The following CCDC178 variants were observed in gnomAD, a reference collection of about 807,000 sequenced individuals.
The protein encoded by CCDC178 is coiled-coil domain-containing protein 178.
A neutral mutation model predicts 117.4 loss-of-function variants in CCDC178; 126 were observed. That is an observed-to-expected ratio of 1.07 (90% CI 0.93 to 1.24). CCDC178 has a LOEUF of 1.24. CCDC178 is among the 50% of genes most tolerant of loss of function. The pLI is 0.00. For synonymous variants in CCDC178, 283 were observed against 313.4 expected (o/e 0.90, Z 1.02); for missense variants, 1,030 against 986.9 (o/e 1.04, Z -0.59).
chr18:33,197,367 G>C (rs1360012960), intron 20 of CCDC178, among the ~76,000 whole-genome samples: 5 of 152,094 alleles, frequency 3.3e-5, no homozygotes, highest in Admixed American at 3.3e-4. Context: ...ACAAACGCAA[G>C]GGCATCTGGG....
chr18:33,420,317 AT>A (rs1177686965), intron 2 of CCDC178, among the ~76,000 whole-genome samples: 1 of 152,130 alleles, frequency 6.6e-6, no homozygotes. Flanking sequence ...GGATCAAAAA[AT>A]TATTAGGTTG....
chr18:32,945,235 C>T (rs533979934), intron 22 of CCDC178, among the ~76,000 whole-genome samples: 4 of 152,178 alleles, frequency 2.6e-5, no homozygotes, highest in African/African-American at 9.6e-5. Flanking sequence ...GACTGGGAAA[C>T]GACTTGCATA....
At chr18:33,424,168 C>T (rs953460767) in intron 2 of CCDC178, among the ~76,000 whole-genome samples, 5 of 152,080 alleles carry the variant, frequency 3.3e-5, no homozygotes, top group Admixed American at 3.3e-4. Flanking sequence ...TTTACTTTTA[C>T]TGGTCTTTAT....
intron 7 of CCDC178, 79 bp from the exon 8 acceptor site, chr18:33,349,054 G>T: frequency 2.5e-6 from 2 of 807,322 alleles, no homozygotes; most frequent in South Asian, 3.5e-5. Context: ...CTCTTCTATT[G>T]AATTTTAAAT....
intron 21 of CCDC178, among the ~76,000 whole-genome samples, chr18:32,995,401 A>AT (rs1267999187): frequency 6.6e-6 from 1 of 152,148 alleles, no homozygotes; most frequent in African/African-American, 2.4e-5. Context: ...TCTTTCTAGT[A>AT]TTTTTTGGTA....
At chr18:33,002,913 A>G (rs1205618365) in intron 21 of CCDC178, among the ~76,000 whole-genome samples, 1 of 152,170 alleles carries the variant, frequency 6.6e-6, no homozygotes, top group Admixed American at 6.5e-5. Context: ...ATGCCAATAA[A>G]TTGGAAAGCC....
chr18:32,983,156 T>A, intron 21 of CCDC178: 1 of 524,872 alleles, frequency 1.9e-6, no homozygotes, highest in Non-Finnish European at 3.3e-6. Context: ...AAAAAACCAC[T>A]TCTCAGTACA....
At chr18:33,408,191 T>C (rs2063806535) in intron 3 of CCDC178, among the ~76,000 whole-genome samples, 1 of 151,892 alleles carries the variant, frequency 6.6e-6, no homozygotes, top group African/African-American at 2.4e-5. Flanking sequence ...ATTAATAAAA[T>C]TCACAACAGG....
At chr18:33,105,971 T>C (rs2057699263) in intron 20 of CCDC178, among the ~76,000 whole-genome samples, 1 of 151,722 alleles carries the variant, frequency 6.6e-6, no homozygotes, top group Non-Finnish European at 1.5e-5. Flanking sequence ...ATGAATACTT[T>C]AAGAAAAGTG....
intron 12 of CCDC178, among the ~76,000 whole-genome samples, chr18:33,273,968 G>A (rs1264299508): frequency 6.6e-6 from 1 of 151,722 alleles, no homozygotes; most frequent in Non-Finnish European, 1.5e-5. Flanking sequence ...CATGGAGTGG[G>A]AGAAAATATT....
intron 20 of CCDC178, among the ~76,000 whole-genome samples, chr18:33,191,850 G>C (rs1350663690): frequency 1.3e-5 from 2 of 152,022 alleles, no homozygotes; most frequent in East Asian, 3.9e-4. Context: ...CTATATTTAA[G>C]TAAAAATTAT....
chr18:33,279,703 T>C (rs1407353537), intron 12 of CCDC178, among the ~76,000 whole-genome samples: 2 of 152,130 alleles, frequency 1.3e-5, no homozygotes, highest in African/African-American at 2.4e-5. Context: ...CTTCAAACTA[T>C]ACTACAAGCT....
intron 20 of CCDC178, among the ~76,000 whole-genome samples, chr18:33,167,672 T>C (rs1235336206): frequency 6.6e-6 from 1 of 151,908 alleles, no homozygotes. Context: ...AAAACCAGCC[T>C]GGCCAACATG....
intron 20 of CCDC178, among the ~76,000 whole-genome samples, chr18:33,179,131 C>CTATATATATAAACTA (rs2058703865): frequency 7.3e-5 from 4 of 54,690 alleles, no homozygotes; most frequent in Admixed American, 2.5e-4. Flanking sequence ...TATATATAAA[C>CTATATATATAAACTA]TATATATATA....
At chr18:33,383,992 G>C (rs117597759) in intron 5 of CCDC178, among the ~76,000 whole-genome samples, 4,173 of 152,084 alleles carry the variant, frequency 0.027, 89 homozygotes, top group Non-Finnish European at 0.043. Flanking sequence ...CTGTTAACTC[G>C]AATAACCAGT....
chr18:33,104,226 T>TA lies in CCDC178; in HGVS notation c.2239-11317dup, dbSNP rs201732328. Reference sequence around the variant, plus strand: ...TTCCAGGGGCTTAATAGAAAACCTCTAAAGAAGGTAAACCAAATATCAAAC... The same window carrying TA: ...TTCCAGGGGCTTAATAGAAAACCTCTAAAAGAAGGTAAACCAAATATCAAAC... On this transcript the variant is annotated intron_variant, in intron 20 of 22. Transcript: ENST00000383096. Among the ~76,000 whole-genome samples the TA allele has an allele frequency of 5.8e-3, 879 of 151,816 alleles. 9 individuals are homozygous for TA. The highest frequency in any genetic ancestry group is 0.02 in the African/African-American group (829 of 41,492).
At chr18:33,281,133 AAAAT>A (rs1171955144) in intron 12 of CCDC178, among the ~76,000 whole-genome samples, 34 of 149,612 alleles carry the variant, frequency 2.3e-4, no homozygotes, top group Admixed American at 8.6e-4. Flanking sequence ...ACACACACAA[AAAAT>A]AAATAAAATT....
intron 20 of CCDC178, among the ~76,000 whole-genome samples, chr18:33,126,667 T>G (rs948355623): frequency 1.3e-5 from 2 of 151,856 alleles, no homozygotes; most frequent in Non-Finnish European, 2.9e-5. Flanking sequence ...TTACTGTTTA[T>G]TTTTTGTTTT....
At chr18:33,213,146 G>T (rs1259236017) in intron 19 of CCDC178, among the ~76,000 whole-genome samples, 1 of 151,906 alleles carries the variant, frequency 6.6e-6, no homozygotes, top group Non-Finnish European at 1.5e-5. Context: ...CCTAAACTTG[G>T]ATAATTAATT....
Sources: gnomAD v4.1 joint callset for allele counts (sites outside exome capture counted in the v4.1 genomes callset) on GRCh38, gnomAD v4.1.1 for gene constraint, MANE v1.5 for transcripts, NCBI Gene and HGNC (gene_info 2026-07-23, HGNC 2026-07-21) for gene names.